ARSG: variants seen among roughly 807,000 people sequenced by gnomAD.
ARSG encodes ASG.
A neutral mutation model predicts 50.5 loss-of-function variants in ARSG; 37 were observed. That is an observed-to-expected ratio of 0.73 (90% CI 0.56 to 0.96). The LOEUF is 0.96. ARSG is among the 50% of genes least tolerant of loss of function. The pLI, the probability that ARSG is intolerant of heterozygous loss-of-function variation, is 0.00. For missense variants in ARSG, 629 were observed against 675.3 expected (o/e 0.93, Z 0.76); for synonymous variants, 225 against 254.6 (o/e 0.88, Z 1.11).
At chr17:68,282,712 G>A (rs1285556950) in intron 1 of ARSG, among the ~76,000 whole-genome samples, 1 of 148,502 alleles carries the variant, frequency 6.7e-6, no homozygotes, top group Non-Finnish European at 1.5e-5. Flanking sequence ...GGGAGGCCGA[G>A]ATGGGTGGAT....
downstream of ARSG, chr17:68,424,531 A>C (rs2083023579): frequency 1.9e-6 from 1 of 533,336 alleles, no homozygotes; most frequent in Non-Finnish European, 3.9e-6. Context: ...TCAGTGCCCA[A>C]GTGGCAGCTC....
chr17:68,421,579 C>G (rs118172374), downstream of ARSG: 1 of 662,634 alleles, frequency 1.5e-6, no homozygotes, highest in African/African-American at 1.8e-5. Flanking sequence ...CAATGTCTCC[C>G]GCGCCCATTG....
chr17:68,294,766 C>T (rs1402883423), intron 1 of ARSG, among the ~76,000 whole-genome samples: 1 of 152,186 alleles, frequency 6.6e-6, no homozygotes, highest in Non-Finnish European at 1.5e-5. Context: ...ACTTCACACA[C>T]TCTGCCATCT....
chr17:68,356,940 T>C (rs1192234006), intron 6 of ARSG, 136 bp downstream of exon 6: 1 of 1,069,630 alleles, frequency 9.3e-7, no homozygotes, highest in Non-Finnish European at 1.3e-6. Context: ...TGCATACATG[T>C]CTCCTATAAG....
chr17:68,425,382 CTTTT>C (rs112331284), downstream of ARSG, among the ~76,000 whole-genome samples: 57 of 132,252 alleles, frequency 4.3e-4, no homozygotes, highest in Middle Eastern at 3.8e-3. Context: ...TTTTTCTTTT[CTTTT>C]TTTTTTTTTT....
chr17:68,437,948 T>TAAAAAAAAAAAAAAAAAAAA, the ARSG span, among the ~76,000 whole-genome samples: 3 of 78,806 alleles, frequency 3.8e-5, no homozygotes, highest in African/African-American at 1.4e-4. Context: ...ACATCTCTCT[T>TAAAAAAAAAAAAAAAAAAAA]AAAAAAAAAA....
intron 7 of ARSG, 94 bp from the exon 8 acceptor site, chr17:68,370,350 C>T: frequency 1.8e-6 from 2 of 1,091,074 alleles, no homozygotes; most frequent in South Asian, 1.4e-5. Context: ...CTATCTAGTT[C>T]CTGCTCTGCG....
intron 6 of ARSG, among the ~76,000 whole-genome samples, chr17:68,358,196 C>T (rs1161532183): frequency 1.3e-5 from 2 of 151,420 alleles, no homozygotes; most frequent in South Asian, 2.1e-4. Context: ...GAGCGAGACC[C>T]TGTCTCAAAA....
chr17:68,274,297 C>T, intron 1 of ARSG: 1 of 387,938 alleles, frequency 2.6e-6, no homozygotes, highest in South Asian at 4.4e-5. Context: ...GAAACCCCGT[C>T]TCTACAAAAA....
chr17:68,401,519 C>A, intron 11 of ARSG, 69 bp downstream of exon 11: 2 of 1,427,870 alleles, frequency 1.4e-6, no homozygotes. Flanking sequence ...GGACTCTCAC[C>A]CAGGCCTCTG....
At chr17:68,419,882 C>T (rs1211977431) in intron 11 of ARSG, among the ~76,000 whole-genome samples, 1 of 151,776 alleles carries the variant, frequency 6.6e-6, no homozygotes, top group Non-Finnish European at 1.5e-5. Context: ...CACTTGAGCC[C>T]AAAAAGGCTG....
the ARSG span, among the ~76,000 whole-genome samples, chr17:68,431,325 C>T: frequency 6.6e-6 from 1 of 152,130 alleles, no homozygotes; most frequent in African/African-American, 2.4e-5. Flanking sequence ...ATCACAACCT[C>T]CCTGACAGGG....
At chr17:68,450,555 A>T in the ARSG span, among the ~76,000 whole-genome samples, 1 of 152,234 alleles carries the variant, frequency 6.6e-6, no homozygotes, top group Admixed American at 6.5e-5. Flanking sequence ...CGTTACAACC[A>T]GCACCTGGAG....
the ARSG span, among the ~76,000 whole-genome samples, chr17:68,436,993 CA>C: frequency 6.4e-3 from 804 of 124,712 alleles, 5 homozygotes; most frequent in African/African-American, 0.019. Flanking sequence ...GACCCCGTCT[CA>C]AAAAAAAAAA....
At chr17:68,347,224 C>T (rs1186006402) in intron 4 of ARSG, 52 bp downstream of exon 4, 1 of 1,573,468 alleles carries the variant, frequency 6.4e-7, no homozygotes, top group Non-Finnish European at 8.7e-7. Context: ...ATAAAGGTCT[C>T]TGTGTAAGAC....
chr17:68,418,460 C>T (rs2147552291), intron 11 of ARSG, among the ~76,000 whole-genome samples: 1 of 152,306 alleles, frequency 6.6e-6, no homozygotes, highest in Middle Eastern at 3.4e-3. Context: ...AACTATTAAT[C>T]TCTACTGATC....
downstream of ARSG, chr17:68,426,182 A>G (rs1200230654): frequency 6.3e-7 from 1 of 1,580,294 alleles, no homozygotes; most frequent in Non-Finnish European, 8.6e-7. Context: ...TAACCTGGAA[A>G]CCAAGAAAGA....
chr17:68,351,002 C>T lies in ARSG; in HGVS notation c.455-573C>T, dbSNP rs551567111. Among the ~76,000 whole-genome samples the T allele has an allele frequency of 4.6e-5, 7 of 152,124 alleles. No homozygotes were observed. In the South Asian group the frequency reaches 1.0e-3, roughly 23 times the overall value. Reference sequence around the variant, plus strand: ...AGCTGAAAGGCAGTATCTTTCAAGGCGCATTTTGAGATTCCTGCCCCATCC... The same window carrying T: ...AGCTGAAAGGCAGTATCTTTCAAGGTGCATTTTGAGATTCCTGCCCCATCC... On this transcript the variant is annotated intron_variant, in intron 4 of 11. Coordinates refer to ENST00000621439, the MANE Select transcript of ARSG (RefSeq NM_001267727.2).
chr17:68,272,709 G>A (rs529667969), intron 1 of ARSG: 1 of 1,614,120 alleles, frequency 6.2e-7, no homozygotes, highest in African/African-American at 1.3e-5. Context: ...AACGTCTTTT[G>A]CCAAAATATT....
Sources: allele counts gnomAD v4.1 joint callset (sites outside exome capture counted in the v4.1 genomes callset), GRCh38; gene constraint gnomAD v4.1.1; transcripts MANE v1.5; gene names NCBI Gene and HGNC (gene_info 2026-07-23, HGNC 2026-07-21).